LIPJ: variants seen among roughly 807,000 people sequenced by gnomAD.
The protein encoded by LIPJ is lipase family member J.
LIPJ carries 33 observed loss-of-function variants against 39.8 expected under a neutral mutation model. The observed-to-expected ratio is 0.83, with a 90% confidence interval of 0.63 to 1.11. The LOEUF (loss-of-function observed/expected upper bound fraction) is 1.11. Ranked by LOEUF, LIPJ falls within the 50% of genes least tolerant of loss-of-function variation. The pLI is 0.00. For synonymous variants in LIPJ, 128 were observed against 139.2 expected, an observed-to-expected ratio of 0.92 and a Z score of 0.57; for missense variants, 422 against 427.9, an observed-to-expected ratio of 0.99 and a Z score of 0.12.
At chr10:88,606,770 A>G (rs1450277265) in exon 11 of LIPJ, 3 of 1,613,520 alleles carry the variant, frequency 1.9e-6, no homozygotes, top group Admixed American at 1.7e-5. Context: ...AGACGTTAAC[A>G]TTTTACATTC....
At chr10:88,593,972 C>T (rs1354680538) in exon 5 of LIPJ, 3 of 1,611,860 alleles carry the variant, frequency 1.9e-6, no homozygotes, top group African/African-American at 1.3e-5. Flanking sequence ...ATACTTGCAA[C>T]ATGGTTTGCT....
the LIPJ span, among the ~76,000 whole-genome samples, chr10:88,619,443 C>A: frequency 2.6e-5 from 1 of 38,096 alleles, no homozygotes; most frequent in Non-Finnish European, 4.4e-5. Flanking sequence ...GTAGAAAAAT[C>A]CCCCTCTTGC....
At chr10:88,582,975 C>T, upstream of LIPJ, 18 of 1,368,860 alleles carry the variant, frequency 1.3e-5, no homozygotes, top group Non-Finnish European at 1.3e-5. Flanking sequence ...GAGGGTATAG[C>T]GTTTTCGCCT....
At chr10:88,604,203 C>T (rs1298919521) in intron 9 of LIPJ, among the ~76,000 whole-genome samples, 1 of 152,066 alleles carries the variant, frequency 6.6e-6, no homozygotes, top group Non-Finnish European at 1.5e-5. Flanking sequence ...AAGGTTAGGC[C>T]AGGCTTCAGT....
At chr10:88,619,276 C>T in the LIPJ span, among the ~76,000 whole-genome samples, 2 of 150,708 alleles carry the variant, frequency 1.3e-5, no homozygotes, top group East Asian at 1.9e-4. Flanking sequence ...CAAGTCACTT[C>T]GCATCACCTA....
At chr10:88,610,990 C>A (rs540191242), downstream of LIPJ, among the ~76,000 whole-genome samples, 3 of 152,224 alleles carry the variant, frequency 2.0e-5, no homozygotes, top group South Asian at 2.1e-4. Flanking sequence ...GCAGAAAAAC[C>A]GAAGATCCTC....
At chr10:88,606,153 T>C (rs1851659695) in intron 10 of LIPJ, among the ~76,000 whole-genome samples, 1 of 152,146 alleles carries the variant, frequency 6.6e-6, no homozygotes, top group Non-Finnish European at 1.5e-5. Flanking sequence ...ACAAAATTAT[T>C]GAAGTACTAG....
intron 5 of LIPJ, 91 bp downstream of exon 5, chr10:88,594,235 T>C: frequency 2.1e-6 from 2 of 943,146 alleles, no homozygotes; most frequent in Non-Finnish European, 3.1e-6. Flanking sequence ...GTCTTACTAT[T>C]TTCACAATTT....
exon 11 of LIPJ, chr10:88,606,973 T>G: frequency 7.3e-7 from 1 of 1,379,002 alleles, no homozygotes; most frequent in Non-Finnish European, 9.4e-7. Context: ...CTTATTTTTT[T>G]TTACCTGTGT....
downstream of LIPJ, among the ~76,000 whole-genome samples, chr10:88,607,422 A>C (rs1851697826): frequency 6.6e-6 from 1 of 152,162 alleles, no homozygotes; most frequent in Non-Finnish European, 1.5e-5. Context: ...TCCCAGATGT[A>C]GGGAGATCAT....
At chr10:88,596,135 A>T (rs17109857) in intron 6 of LIPJ, 145 bp from the exon 7 acceptor site, 6,764 of 550,760 alleles carry the variant, frequency 0.012, 174 homozygotes, top group South Asian at 0.08. Flanking sequence ...TAGGTGATTT[A>T]AAAATGTTTG....
upstream of LIPJ, chr10:88,583,652 G>A (rs1827753451): frequency 2.0e-6 from 2 of 988,324 alleles, no homozygotes; most frequent in South Asian, 9.2e-5. Flanking sequence ...GCGATACCAC[G>A]GGCAACCTTT....
intron 6 of LIPJ, among the ~76,000 whole-genome samples, chr10:88,595,611 GA>G (rs1049111672): frequency 8.6e-5 from 13 of 150,956 alleles, no homozygotes; most frequent in Non-Finnish European, 3.0e-5. Context: ...GTAGAAATAA[GA>G]AAAAAAAGTG....
chr10:88,606,249 C>A (rs185392631), intron 10 of LIPJ, among the ~76,000 whole-genome samples: 1 of 152,224 alleles, frequency 6.6e-6, no homozygotes, highest in Admixed American at 6.5e-5. Flanking sequence ...GTGATCTGTT[C>A]ATATAAAAGT....
intron 7 of LIPJ, 81 bp downstream of exon 7, chr10:88,596,497 G>A (rs1851259934): frequency 7.3e-6 from 10 of 1,361,004 alleles, no homozygotes; most frequent in Admixed American, 5.5e-5. Context: ...TTGACTATAC[G>A]TAGACAACCA....
exon 11 of LIPJ, chr10:88,606,708 A>C: frequency 6.2e-7 from 1 of 1,613,146 alleles, no homozygotes; most frequent in Non-Finnish European, 8.5e-7. Flanking sequence ...ACAAACATGA[A>C]TGTGGCAACT....
At chr10:88,611,408 A>G (rs1851750448), downstream of LIPJ, among the ~76,000 whole-genome samples, 1 of 152,232 alleles carries the variant, frequency 6.6e-6, no homozygotes, top group Non-Finnish European at 1.5e-5. Context: ...GATCCAAACC[A>G]AGACAAAATC....
At chr10:88,583,088 TGTCCCACACAGCAAGGTACAA>T, upstream of LIPJ, 1 of 1,613,796 alleles carries the variant, frequency 6.2e-7, no homozygotes, top group South Asian at 1.1e-5. Flanking sequence ...TCCTCAGCCT[TGTCCCACACAGCAAGGTACAA>T]GGGACCGGAC....
intron 8 of LIPJ, 53 bp from the exon 9 acceptor site, chr10:88,602,523 C>A: frequency 2.4e-6 from 3 of 1,259,136 alleles, no homozygotes; most frequent in South Asian, 1.4e-5. Context: ...AGATTATGCT[C>A]TCTATGATTC....
Sources: allele counts gnomAD v4.1 joint callset (sites outside exome capture counted in the v4.1 genomes callset), GRCh38; gene constraint gnomAD v4.1.1; transcripts MANE v1.5; gene names NCBI Gene and HGNC (gene_info 2026-07-23, HGNC 2026-07-21).